Variants in CLSTN2 observed in about 807,000 individuals in gnomAD.
The protein encoded by CLSTN2 is calsyntenin 2, also known as calsyntenin-2.
Under a neutral mutation model 101.2 loss-of-function variants are expected in CLSTN2, and 48 were observed. The observed-to-expected ratio is 0.47, with a 90% CI of 0.38 to 0.60. The LOEUF (loss-of-function observed/expected upper bound fraction) is 0.60, where lower values mean the gene tolerates loss of function less well. CLSTN2 is among the 20% of genes least tolerant of loss of function. CLSTN2 has a pLI of 0.00. For synonymous variants in CLSTN2, 481 were observed against 463.6 expected (o/e 1.04, Z -0.48); for missense variants, 1,160 against 1,238.2 (o/e 0.94, Z 0.95).
intron 3 of CLSTN2, 141 bp from the exon 4 acceptor site, chr3:140,404,417 C>A: frequency 1.4e-6 from 1 of 702,354 alleles, no homozygotes. Flanking sequence ...GAGGATGGGA[C>A]ACTCAGACAA....
At chr3:140,188,219 C>A (rs1207500022) in intron 2 of CLSTN2, among the ~76,000 whole-genome samples, 6 of 152,156 alleles carry the variant, frequency 3.9e-5, no homozygotes, top group African/African-American at 9.7e-5. Context: ...TATGCTTTGG[C>A]GTGTTTGCTC....
At chr3:140,169,638 TTC>T (rs1307013617) in intron 1 of CLSTN2, among the ~76,000 whole-genome samples, 1 of 152,220 alleles carries the variant, frequency 6.6e-6, no homozygotes, top group African/African-American at 2.4e-5. Flanking sequence ...GAAAGTTGTT[TTC>T]TATTTTTCAT....
chr3:140,064,969 A>G (rs2008274164), intron 1 of CLSTN2, among the ~76,000 whole-genome samples: 1 of 152,134 alleles, frequency 6.6e-6, no homozygotes, highest in South Asian at 2.1e-4. Context: ...GATCTCAGCT[A>G]AGATATTGGA....
intron 2 of CLSTN2, among the ~76,000 whole-genome samples, chr3:140,340,368 CAT>C (rs973450931): frequency 6.6e-6 from 1 of 152,206 alleles, no homozygotes; most frequent in Non-Finnish European, 1.5e-5. Flanking sequence ...GATTAAAAAA[CAT>C]AAGTGTAGAA....
chr3:139,999,621 A>G (rs939488976), intron 1 of CLSTN2, among the ~76,000 whole-genome samples: 1 of 152,194 alleles, frequency 6.6e-6, no homozygotes, highest in Non-Finnish European at 1.5e-5. Context: ...CATGGGACCA[A>G]TTAAAATAAT....
intron 8 of CLSTN2, among the ~76,000 whole-genome samples, chr3:140,512,523 G>C (rs1354710633): frequency 1.3e-5 from 2 of 152,160 alleles, no homozygotes; most frequent in African/African-American, 4.8e-5. Flanking sequence ...CTATAGTCTT[G>C]TAGTGTAGTT....
chr3:139,945,981 CT>C (rs1462058347), intron 1 of CLSTN2, among the ~76,000 whole-genome samples: 2 of 152,038 alleles, frequency 1.3e-5, no homozygotes, highest in African/African-American at 2.4e-5. Context: ...TTAGATTAAC[CT>C]TTTTAGTGAC....
At chr3:140,118,082 T>C (rs112013188) in intron 1 of CLSTN2, among the ~76,000 whole-genome samples, 16 of 152,072 alleles carry the variant, frequency 1.1e-4, no homozygotes, top group African/African-American at 3.9e-4. Context: ...TCAAATCTAA[T>C]ATTGGTGTCT....
chr3:140,255,562 G>A (rs1255205013), intron 2 of CLSTN2, among the ~76,000 whole-genome samples: 8 of 152,048 alleles, frequency 5.3e-5, no homozygotes, highest in African/African-American at 1.9e-4. Flanking sequence ...TTGAGTACAC[G>A]TAGACACAAA....
intron 2 of CLSTN2, among the ~76,000 whole-genome samples, chr3:140,257,111 G>C (rs963305857): frequency 2.6e-5 from 4 of 152,146 alleles, no homozygotes; most frequent in African/African-American, 7.2e-5. Context: ...GTGTTCACCA[G>C]AGTGACTGAA....
chr3:140,161,641 G>A (rs1263980697), intron 1 of CLSTN2, among the ~76,000 whole-genome samples: 1 of 152,166 alleles, frequency 6.6e-6, no homozygotes, highest in Non-Finnish European at 1.5e-5. Context: ...AAATAATTAT[G>A]TAAGTCTTGC....
intron 1 of CLSTN2, among the ~76,000 whole-genome samples, chr3:140,036,045 C>G (rs1158465467): frequency 6.6e-6 from 1 of 152,218 alleles, no homozygotes; most frequent in African/African-American, 2.4e-5. Flanking sequence ...GCATTTATCA[C>G]CACTTGTAAT....
At chr3:140,437,600 C>T (rs560615216) in intron 5 of CLSTN2, among the ~76,000 whole-genome samples, 34 of 152,310 alleles carry the variant, frequency 2.2e-4, no homozygotes, top group African/African-American at 7.0e-4. Context: ...CACTTGCCAA[C>T]GGGAGCCCTC....
chr3:139,953,462 T>C (rs866418147), intron 1 of CLSTN2, among the ~76,000 whole-genome samples: 1 of 152,074 alleles, frequency 6.6e-6, no homozygotes, highest in African/African-American at 2.4e-5. Flanking sequence ...TGTGCCTGTA[T>C]CCCCTCTGCT....
At chr3:140,227,086 C>T (rs924350800) in intron 2 of CLSTN2, among the ~76,000 whole-genome samples, 1 of 152,168 alleles carries the variant, frequency 6.6e-6, no homozygotes, top group Non-Finnish European at 1.5e-5. Flanking sequence ...TCCCAACAGT[C>T]CCCCAAATTC....
At chr3:139,986,673 ATTGTGGCAT>A (rs1051919886) in intron 1 of CLSTN2, among the ~76,000 whole-genome samples, 1 of 152,012 alleles carries the variant, frequency 6.6e-6, no homozygotes, top group Non-Finnish European at 1.5e-5. Flanking sequence ...TGGACTTTTC[ATTGTGGCAT>A]TGCACATTCC....
intron 9 of CLSTN2, among the ~76,000 whole-genome samples, chr3:140,542,563 T>A (rs924430428): frequency 3.3e-5 from 5 of 152,210 alleles, no homozygotes; most frequent in Admixed American, 2.6e-4. Flanking sequence ...ATCTATTATT[T>A]TTTTTTAAAT....
chr3:140,210,765 A>G (rs2010845422), intron 2 of CLSTN2, among the ~76,000 whole-genome samples: 1 of 151,674 alleles, frequency 6.6e-6, no homozygotes, highest in Non-Finnish European at 1.5e-5. Context: ...AGTGGGTTTG[A>G]AGGAGGAGGA....
At chr3:140,421,714 C>T (rs2088508207) in intron 5 of CLSTN2, among the ~76,000 whole-genome samples, 1 of 152,054 alleles carries the variant, frequency 6.6e-6, no homozygotes, top group Non-Finnish European at 1.5e-5. Flanking sequence ...AGGCGGGAGA[C>T]CCAGAATCCA....
Sources: gnomAD v4.1 joint callset for allele counts (sites outside exome capture counted in the v4.1 genomes callset) on GRCh38, gnomAD v4.1.1 for gene constraint, MANE v1.5 for transcripts, NCBI Gene and HGNC (gene_info 2026-07-23, HGNC 2026-07-21) for gene names.